Variants in KMT2C observed in about 807,000 individuals in gnomAD.
KMT2C encodes the protein lysine methyltransferase 2C, also known as histone-lysine N-methyltransferase 2C.
Under a neutral mutation model 507.9 loss-of-function variants are expected in KMT2C, and 88 were observed. That is an observed-to-expected ratio of 0.17 (90% confidence interval 0.15 to 0.21). The LOEUF is 0.21. Ranked by LOEUF, KMT2C falls within the 10% of genes least tolerant of loss-of-function variation. The pLI is 1.00. For missense variants in KMT2C, 4,954 were observed against 5,957.8 expected, an observed-to-expected ratio of 0.83 and a Z score of 5.55; for synonymous variants, 2,049 against 2,080.8, an observed-to-expected ratio of 0.98 and a Z score of 0.42.
At chr7:152,223,425 C>T (rs544886572) in intron 20 of KMT2C, among the ~76,000 whole-genome samples, 42 of 152,054 alleles carry the variant, frequency 2.8e-4, no homozygotes, top group African/African-American at 9.6e-4. Context: ...TCATAAGAAA[C>T]GGCATAGATG....
chr7:152,186,481 T>C (rs1434029103), intron 33 of KMT2C, among the ~76,000 whole-genome samples: 2 of 152,160 alleles, frequency 1.3e-5, no homozygotes, highest in Non-Finnish European at 2.9e-5. Flanking sequence ...TATTGTTAGA[T>C]AAAAAGCATT....
chr7:152,178,649 A>G (rs1427597436), intron 37 of KMT2C, among the ~76,000 whole-genome samples: 1 of 152,178 alleles, frequency 6.6e-6, no homozygotes. Flanking sequence ...AAATTATAAC[A>G]AGGTGGAAGA....
rs151078225 is a variant in KMT2C at position 152,317,200 on chromosome 7, T to C, written c.390-1862A>G. On this transcript the variant is annotated intron_variant, in intron 3 of 58. Coordinates refer to ENST00000262189, the MANE Select transcript of KMT2C (RefSeq NM_170606.3). ...TCTGGCTTAGAAGACCTCAGAAATTTTGCCAGACAACAGATCAAAAATGAA... is the reference window on the plus strand; with the variant it reads ...TCTGGCTTAGAAGACCTCAGAAATTCTGCCAGACAACAGATCAAAAATGAA... 5.3e-4 allele frequency among the ~76,000 whole-genome samples: 81 copies of C among 152,318 alleles called. 1 individual carries two copies. Among genetic ancestry groups the C allele is most frequent in the African/African-American group, 1.9e-3 (80 of 41,588 alleles).
intron 6 of KMT2C, among the ~76,000 whole-genome samples, chr7:152,298,564 G>A (rs2096536604): frequency 1.3e-5 from 2 of 152,004 alleles, no homozygotes; most frequent in Non-Finnish European, 1.5e-5. Flanking sequence ...CAAAAATGAA[G>A]GTGAAATAAA....
intron 44 of KMT2C, chr7:152,157,949 T>TG: frequency 7.7e-7 from 1 of 1,299,022 alleles, no homozygotes; most frequent in Non-Finnish European, 1.0e-6. Context: ...CATTTAAGAG[T>TG]AATGTACATG....
At chr7:152,295,483 C>T (rs1421889061) in intron 6 of KMT2C, among the ~76,000 whole-genome samples, 2 of 152,192 alleles carry the variant, frequency 1.3e-5, no homozygotes, top group African/African-American at 4.8e-5. Context: ...TGTCTAGAAT[C>T]CCTATGTTAA....
chr7:152,246,129 C>A (rs1370525030), intron 14 of KMT2C, among the ~76,000 whole-genome samples: 1 of 152,198 alleles, frequency 6.6e-6, no homozygotes, highest in East Asian at 1.9e-4. Flanking sequence ...GGTCCCAGTG[C>A]CTCACCAATG....
At chr7:152,302,642 C>A (rs1386672088) in intron 6 of KMT2C, among the ~76,000 whole-genome samples, 1 of 151,900 alleles carries the variant, frequency 6.6e-6, no homozygotes, top group Non-Finnish European at 1.5e-5. Flanking sequence ...TTCCTTCTTT[C>A]ATTCATTCAT....
At position 152,176,457 on chromosome 7, in the gene KMT2C, G is replaced by C. The variant is rs759124438; in HGVS notation, c.8996C>G (p.Thr2999Arg). The change falls in exon 38 of 59, where the codon ACA becomes AGA. Residue 2999 changes from threonine to arginine, a missense_variant. Thr to Arg is a moderately conservative substitution (Grantham distance 71). Transcript: ENST00000262189. ...VNPGLIPGQS[T>R]VNHSLGTGKP... ...TCCTGTCCCCAGACTGTGGTTAACT[G>C]TTGATTGACCTGGAATGAGCCCTGG... The C allele has an allele frequency of 6.2e-7, 1 of 1,614,152 alleles. No individual in the cohort carries two copies. Among genetic ancestry groups the C allele is most frequent in the South Asian group, 1.1e-5 (1 of 91,080 alleles).
intron 31 of KMT2C, among the ~76,000 whole-genome samples, chr7:152,193,737 A>C (rs1304212390): frequency 1.3e-5 from 2 of 152,088 alleles, no homozygotes; most frequent in Non-Finnish European, 2.9e-5. Flanking sequence ...GAGTGGAGTG[A>C]GCTGGGAATG....
rs557205966 is a variant in KMT2C at position 152,188,184 on chromosome 7, G to A, written c.4661-337C>T. ...CAATTTAAAAGTAGGATTTTTTTCA[G>A]TATTTTATAATACTTAAAGAGTGAC... On this transcript the variant is annotated intron_variant, in intron 31 of 58. Transcript: ENST00000262189. Among the ~76,000 whole-genome samples, 6 of 152,154 alleles carry A rather than the reference G, an allele frequency of 3.9e-5. No individual in the cohort carries two copies. In the East Asian group the frequency reaches 1.2e-3, roughly 29 times the overall value.
chr7:152,338,171 T>C (rs912506547), intron 2 of KMT2C, among the ~76,000 whole-genome samples: 4 of 152,218 alleles, frequency 2.6e-5, no homozygotes, highest in Non-Finnish European at 5.9e-5. Flanking sequence ...ACCTACTCAA[T>C]TTCTAACTCT....
intron 6 of KMT2C, among the ~76,000 whole-genome samples, chr7:152,288,556 T>A (rs1020895650): frequency 6.0e-5 from 9 of 149,788 alleles, no homozygotes; most frequent in African/African-American, 1.7e-4. Context: ...AAATAAATAT[T>A]TTTTTTTTAA....
chr7:152,210,809 A>G (rs1357792092), intron 23 of KMT2C, among the ~76,000 whole-genome samples: 20 of 152,210 alleles, frequency 1.3e-4, no homozygotes, highest in Admixed American at 1.2e-3. Flanking sequence ...CAAAAGAAAC[A>G]TTCAAAGGGA....
chr7:152,299,950 T>G (rs1388936621), intron 6 of KMT2C, among the ~76,000 whole-genome samples: 1 of 152,124 alleles, frequency 6.6e-6, no homozygotes, highest in Admixed American at 6.5e-5. Flanking sequence ...AATACTAATA[T>G]GAGGCAAAGC....
intron 1 of KMT2C, among the ~76,000 whole-genome samples, chr7:152,434,367 G>A (rs2097895646): frequency 1.3e-5 from 2 of 152,132 alleles, no homozygotes; most frequent in South Asian, 4.1e-4. Flanking sequence ...AAGGACAGCG[G>A]GGCAAGAAAA....
rs2089810107 is a variant in KMT2C at position 152,135,554 on chromosome 7, G to A, written c.*1278C>T. The A allele has an allele frequency of 4.4e-6, 1 of 225,734 alleles. No homozygotes were observed. The highest frequency in any genetic ancestry group is 5.7e-5 in the Admixed American group (1 of 17,490). 14.0% of individuals were successfully genotyped at this position (225,734 alleles called of 1,614,324 possible). ...TTCAAATTTTTGTGTTAAATAGAAG[G>A]CTAAAGGGTTAGATTTAAGTTTCTG... On this transcript the variant is annotated 3_prime_UTR_variant, in exon 59 of 59. Transcript: ENST00000262189.
chr7:152,190,700 C>T (rs967111883), intron 31 of KMT2C, among the ~76,000 whole-genome samples: 1 of 152,054 alleles, frequency 6.6e-6, no homozygotes, highest in African/African-American at 2.4e-5. Context: ...GTTACTCTAT[C>T]TCAATCTTGA....
At chr7:152,419,342 C>T (rs567709870) in intron 1 of KMT2C, among the ~76,000 whole-genome samples, 6 of 152,010 alleles carry the variant, frequency 3.9e-5, no homozygotes, top group African/African-American at 1.4e-4. Flanking sequence ...CAGAGCGAGA[C>T]TCTGTCTCCA....
Sources: allele counts gnomAD v4.1 joint callset (sites outside exome capture counted in the v4.1 genomes callset), GRCh38; gene constraint gnomAD v4.1.1; transcripts MANE v1.5; gene names NCBI Gene and HGNC (gene_info 2026-07-23, HGNC 2026-07-21).